TRAPPC9: variants seen among roughly 807,000 people sequenced by gnomAD.
TRAPPC9 encodes trafficking protein particle complex subunit 9.
Under a neutral mutation model 124.0 loss-of-function variants are expected in TRAPPC9, and 83 were observed. The ratio of observed to expected loss-of-function variants is 0.67; its 90% CI spans 0.56 to 0.80. The LOEUF is 0.80. Ranked by LOEUF, TRAPPC9 falls within the 30% of genes least tolerant of loss-of-function variation. The pLI is 0.00. For missense variants in TRAPPC9, 1,302 were observed against 1,508.3 expected (o/e 0.86, Z 2.27); for synonymous variants, 638 against 617.5 (o/e 1.03, Z -0.49).
At chr8:139,764,359 ATC>A (rs1485990474) in intron 21 of TRAPPC9, among the ~76,000 whole-genome samples, 1 of 152,294 alleles carries the variant, frequency 6.6e-6, no homozygotes, top group East Asian at 1.9e-4. Context: ...ATGCCACAAC[ATC>A]TTTGCTGAAG....
intron 17 of TRAPPC9, among the ~76,000 whole-genome samples, chr8:140,217,776 G>A (rs942576644): frequency 6.6e-6 from 1 of 152,156 alleles, no homozygotes; most frequent in Non-Finnish European, 1.5e-5. Context: ...AGCACTTTGG[G>A]AGGCCAAGGC....
intron 17 of TRAPPC9, among the ~76,000 whole-genome samples, chr8:140,107,813 A>T (rs2130455957): frequency 6.6e-6 from 1 of 152,294 alleles, no homozygotes; most frequent in South Asian, 2.1e-4. Context: ...GCGCACTCTG[A>T]CTGGGGGTCA....
intron 9 of TRAPPC9, among the ~76,000 whole-genome samples, chr8:140,349,270 G>A (rs1465048988): frequency 1.4e-5 from 2 of 143,702 alleles, no homozygotes; most frequent in Non-Finnish European, 3.1e-5. Context: ...GGGGGCCGAT[G>A]GGGGCGCACG....
At chr8:140,083,137 G>A (rs962042594) in intron 17 of TRAPPC9, among the ~76,000 whole-genome samples, 2 of 152,232 alleles carry the variant, frequency 1.3e-5, no homozygotes, top group East Asian at 1.9e-4. Context: ...AGGTTGCAGT[G>A]AGCTGAGATC....
In TRAPPC9 at chr8:140,006,663, A is replaced by G. The variant is rs1003451654; in HGVS notation, c.2699+17274T>C. Among the ~76,000 whole-genome samples, 4 of 152,374 alleles carry G rather than the reference A, an allele frequency of 2.6e-5. No homozygotes were observed. In the East Asian group the frequency reaches 5.8e-4, roughly 22 times the overall value. ...ATTCAACAGAAAATTATTCAGCAATAAAAAGAAATAACATACATAATTGTG... is the reference window on the plus strand; with the variant it reads ...ATTCAACAGAAAATTATTCAGCAATGAAAAGAAATAACATACATAATTGTG... On this transcript the variant is annotated intron_variant, in intron 18 of 22. Coordinates refer to ENST00000438773, the MANE Select transcript of TRAPPC9 (RefSeq NM_001160372.4).
rs999130898 is a variant in TRAPPC9, at chr8:140,249,753, G to A, written c.2431+3024C>T. ...CAAGTAGCTGGGACTACAGGCACCC[G>A]CCACCACGCCCGGCTAATTTTTGTT... On this transcript the variant is annotated intron_variant, in intron 16 of 22. Transcript: ENST00000438773. 2.6e-4 allele frequency among the ~76,000 whole-genome samples: 39 copies of A among 151,904 alleles called. 1 individual carries two copies. The highest frequency in any genetic ancestry group is 8.0e-4 in the African/African-American group (33 of 41,424).
chr8:140,156,929 G>GAAAAGCCTCCCTTTCCATTC lies in TRAPPC9; in HGVS notation c.2556+64510_2556+64529dup, dbSNP rs1383399062. 1.6e-3 allele frequency among the ~76,000 whole-genome samples: 227 copies of GAAAAGCCTCCCTTTCCATTC among 142,266 alleles called. 14 individuals carry two copies. Among genetic ancestry groups the GAAAAGCCTCCCTTTCCATTC allele is most frequent in the Non-Finnish European group, 2.1e-3 (136 of 64,982 alleles). 93.3% of individuals were successfully genotyped at this position (142,266 alleles called of 152,430 possible). A position where few individuals can be genotyped will look rare whatever the true frequency, so the allele number is the denominator to read the frequency against. ...AGCTATTGTGCTGCAGGAAACATTGGAAAAGCCTCCCTTTCCATTCAAAAG... is the reference window on the plus strand; with the variant it reads ...AGCTATTGTGCTGCAGGAAACATTGGAAAAGCCTCCCTTTCCATTCAAAAGCCTCCCTTTCCATTCAAAAG... On this transcript the variant is annotated intron_variant, in intron 17 of 22. Transcript: ENST00000438773.
chr8:139,801,791 C>T (rs1216182342), intron 21 of TRAPPC9, among the ~76,000 whole-genome samples: 2 of 152,212 alleles, frequency 1.3e-5, no homozygotes, highest in East Asian at 3.8e-4. Context: ...TATCCTGAAA[C>T]CTCTCAAGCG....
At chr8:139,918,074 AT>A (rs1832264326) in intron 19 of TRAPPC9, among the ~76,000 whole-genome samples, 2 of 152,248 alleles carry the variant, frequency 1.3e-5, no homozygotes. Context: ...AGGTGCAAGC[AT>A]GAGACAGAGC....
chr8:139,993,291 A>G (rs1025173871), intron 18 of TRAPPC9, among the ~76,000 whole-genome samples: 9 of 152,224 alleles, frequency 5.9e-5, no homozygotes, highest in African/African-American at 2.2e-4. Flanking sequence ...GGGGAAACCC[A>G]ATGACCAATA....
chr8:139,773,100 G>A (rs920401006), intron 21 of TRAPPC9, among the ~76,000 whole-genome samples: 2 of 152,212 alleles, frequency 1.3e-5, no homozygotes, highest in African/African-American at 4.8e-5. Context: ...TGTGGGTCCC[G>A]TGGCAGGACC....
Position 139,920,071 on chromosome 8 carries a change from C to T in TRAPPC9, c.2811-9771G>A, listed in dbSNP as rs190636402. Among the ~76,000 whole-genome samples, 801 of 152,292 alleles carry T rather than the reference C, an allele frequency of 5.3e-3. 1 individual carries two copies. Among genetic ancestry groups the T allele is most frequent in the Non-Finnish European group, 8.9e-3 (602 of 68,020 alleles). On this transcript the variant is annotated intron_variant, in intron 19 of 22. Coordinates refer to ENST00000438773, the MANE Select transcript of TRAPPC9 (RefSeq NM_001160372.4). Reference sequence around the variant, plus strand: ...TCTATCAGATTCTTTACCACTGGGGCGCGGTGGCTCACGCCTGTAATCCCA... The same window carrying T: ...TCTATCAGATTCTTTACCACTGGGGTGCGGTGGCTCACGCCTGTAATCCCA...
intron 9 of TRAPPC9, among the ~76,000 whole-genome samples, chr8:140,346,602 C>T (rs376234436): frequency 1.3e-5 from 2 of 152,178 alleles, no homozygotes; most frequent in African/African-American, 4.8e-5. Flanking sequence ...CACTCTCATT[C>T]AGAAAGCCTC....
intron 21 of TRAPPC9, among the ~76,000 whole-genome samples, chr8:139,853,254 G>A (rs77652021): frequency 0.016 from 2,495 of 152,308 alleles, 78 homozygotes; most frequent in African/African-American, 0.056. Context: ...TTGCCCTTCG[G>A]GAGACACGAC....
Position 140,340,005 on chromosome 8 carries a change from G to A in TRAPPC9, c.1495+20045C>T, listed in dbSNP as rs922551326. ...TTACAGGCGTGGTGCACCACCACAC[G>A]CAGCTAATTTTTTGTATTTCATAGA... On this transcript the variant is annotated intron_variant, in intron 9 of 22. Transcript: ENST00000438773. Among the ~76,000 whole-genome samples, 47 of 152,070 alleles carry A rather than the reference G, an allele frequency of 3.1e-4. 1 individual carries two copies. The highest frequency in any genetic ancestry group is 2.8e-3 in the Admixed American group (43 of 15,270).
chr8:139,804,066 C>T (rs575166466), intron 21 of TRAPPC9, among the ~76,000 whole-genome samples: 14 of 150,674 alleles, frequency 9.3e-5, no homozygotes, highest in South Asian at 2.1e-4. Context: ...CATCAAGCAC[C>T]GCCGCCACCA....
intron 19 of TRAPPC9, among the ~76,000 whole-genome samples, chr8:139,946,307 C>T (rs1468272238): frequency 2.0e-5 from 3 of 152,224 alleles, no homozygotes; most frequent in Non-Finnish European, 4.4e-5. Flanking sequence ...CTGAGTCTCA[C>T]TTTCATCATC....
At chr8:140,341,765 C>A (rs905926192) in intron 9 of TRAPPC9, among the ~76,000 whole-genome samples, 1 of 151,660 alleles carries the variant, frequency 6.6e-6, no homozygotes, top group Non-Finnish European at 1.5e-5. Context: ...GCACGGAGCA[C>A]GGGAAGGGGG....
At chr8:140,362,908 AAGACCGAGTATACATTTTCTT>A (rs2068001133) in intron 8 of TRAPPC9, among the ~76,000 whole-genome samples, 1 of 152,246 alleles carries the variant, frequency 6.6e-6, no homozygotes, top group Admixed American at 6.5e-5. Context: ...GATTATGAGT[AAGACCGAGTATACATTTTCTT>A]AACAGTAAAT....
Sources: allele counts gnomAD v4.1 joint callset (sites outside exome capture counted in the v4.1 genomes callset), GRCh38; gene constraint gnomAD v4.1.1; transcripts MANE v1.5; gene names NCBI Gene and HGNC (gene_info 2026-07-23, HGNC 2026-07-21).